The following TMPRSS11F variants were observed in gnomAD, a reference collection of about 807,000 sequenced individuals.
The protein encoded by TMPRSS11F is transmembrane serine protease 11F, also known as transmembrane protease serine 11F.
TMPRSS11F carries 47 observed loss-of-function variants against 60.2 expected under a neutral mutation model. The ratio of observed to expected loss-of-function variants is 0.78; its 90% CI spans 0.62 to 1.00. The LOEUF is 1.00. Among genes scored for constraint, TMPRSS11F ranks in the 50% least tolerant of loss-of-function variants. The pLI is 0.00. For missense variants in TMPRSS11F, 519 were observed against 522.9 expected (o/e 0.99, Z 0.07); for synonymous variants, 166 against 167.3 (o/e 0.99, Z 0.06).
At chr4:68,054,113 G>A (rs774506485) in intron 9 of TMPRSS11F, 46 bp from the exon 10 acceptor site, 36 of 1,562,082 alleles carry the variant, frequency 2.3e-5, no homozygotes, top group Non-Finnish European at 3.1e-5. Context: ...CTTTAATTCA[G>A]TGGGAAGGTA....
chr4:68,060,840 T>C (rs1723156484), intron 8 of TMPRSS11F, among the ~76,000 whole-genome samples: 1 of 151,906 alleles, frequency 6.6e-6, no homozygotes, highest in Admixed American at 6.5e-5. Flanking sequence ...TTGGATTTCT[T>C]TTAAGGCCTT....
intron 3 of TMPRSS11F, among the ~76,000 whole-genome samples, chr4:68,075,866 G>A (rs142570683): frequency 5.9e-5 from 9 of 151,964 alleles, no homozygotes; most frequent in East Asian, 1.9e-4. Flanking sequence ...GGTGGTAGGC[G>A]CCTGTAGTCC....
chr4:68,072,251 TGCTTACAAAAATTAAAGAGG>T (rs1723492634), intron 5 of TMPRSS11F, 52 bp downstream of exon 5: 1 of 119,400 alleles, frequency 8.4e-6, no homozygotes, highest in East Asian at 1.8e-4. Flanking sequence ...ATATATATAT[TGCTTACAAAAATTAAAGAGG>T]GTTGTAAGAG....
chr4:68,103,826 C>A (rs924295457), intron 1 of TMPRSS11F, among the ~76,000 whole-genome samples: 5 of 151,972 alleles, frequency 3.3e-5, no homozygotes, highest in African/African-American at 1.2e-4. Flanking sequence ...GTCTTTATTT[C>A]TTTCGTATTT....
intron 7 of TMPRSS11F, among the ~76,000 whole-genome samples, chr4:68,067,375 T>C (rs1723352095): frequency 1.3e-5 from 2 of 152,228 alleles, no homozygotes; most frequent in African/African-American, 2.4e-5. Context: ...GCAATTCCCA[T>C]GTAGGTCTGT....
chr4:68,104,697 A>T (rs1018850105), intron 1 of TMPRSS11F, among the ~76,000 whole-genome samples: 3 of 152,212 alleles, frequency 2.0e-5, no homozygotes, highest in Admixed American at 2.0e-4. Context: ...CTTCTATTCC[A>T]AAACTGTTGA....
At chr4:68,073,893 A>G in intron 4 of TMPRSS11F, 49 bp downstream of exon 4, 2 of 1,185,820 alleles carry the variant, frequency 1.7e-6, no homozygotes, top group Non-Finnish European at 2.4e-6. Context: ...TTCATCAAAT[A>G]CCTCATCTTA....
At chr4:68,120,491 C>T (rs1724604118) in intron 1 of TMPRSS11F, among the ~76,000 whole-genome samples, 1 of 149,888 alleles carries the variant, frequency 6.7e-6, no homozygotes, top group Non-Finnish European at 1.5e-5. Context: ...CGGGTTCACG[C>T]CATTCTCCTG....
rs748992356 is a variant in TMPRSS11F, at chr4:68,053,870, GCT to G, written c.*37_*38del. 13 of 1,577,204 alleles carry G rather than the reference GCT, an allele frequency of 8.2e-6. No homozygotes were observed. In the African/African-American group the frequency reaches 1.6e-4, roughly 20 times the overall value. ...CAATACAAAATACGCAGGAGTATCA[GCT>G]CTGTGTGCCATGTGTATAACTCATG... is the stretch of plus-strand genomic sequence containing the variant. On this transcript the variant is annotated 3_prime_UTR_variant, in exon 10 of 10. Coordinates refer to ENST00000356291, the MANE Select transcript of TMPRSS11F (RefSeq NM_207407.2).
At chr4:68,092,482 T>C (rs1343073052) in intron 2 of TMPRSS11F, among the ~76,000 whole-genome samples, 1 of 152,136 alleles carries the variant, frequency 6.6e-6, no homozygotes, top group Non-Finnish European at 1.5e-5. Flanking sequence ...TCAAGAAATA[T>C]GAATCAGGGT....
At chr4:68,126,970 G>A (rs542995691) in intron 1 of TMPRSS11F, among the ~76,000 whole-genome samples, 28 of 152,224 alleles carry the variant, frequency 1.8e-4, no homozygotes, top group African/African-American at 6.5e-4. Context: ...TCTCTGCCAC[G>A]CCCTTCATTT....
intron 8 of TMPRSS11F, among the ~76,000 whole-genome samples, chr4:68,061,317 G>A (rs1723168984): frequency 6.6e-6 from 1 of 152,140 alleles, no homozygotes; most frequent in Non-Finnish European, 1.5e-5. Flanking sequence ...CAACTTTCAA[G>A]CCGTATGAGC....
At chr4:68,118,273 T>C (rs1724564281) in intron 1 of TMPRSS11F, among the ~76,000 whole-genome samples, 1 of 152,176 alleles carries the variant, frequency 6.6e-6, no homozygotes, top group South Asian at 2.1e-4. Context: ...AACACCCAAA[T>C]GAATACACAT....
chr4:68,084,258 C>T (rs1029677128), intron 3 of TMPRSS11F, among the ~76,000 whole-genome samples: 10 of 151,884 alleles, frequency 6.6e-5, no homozygotes, highest in Non-Finnish European at 1.2e-4. Flanking sequence ...GCATAGGATC[C>T]ACAAAAATCT....
chr4:68,108,020 C>T (rs1212492864), intron 1 of TMPRSS11F, among the ~76,000 whole-genome samples: 1 of 152,118 alleles, frequency 6.6e-6, no homozygotes, highest in African/African-American at 2.4e-5. Context: ...GTGGATAATA[C>T]ACTGGATGGA....
intron 1 of TMPRSS11F, among the ~76,000 whole-genome samples, chr4:68,116,125 G>A (rs1237014480): frequency 1.3e-5 from 2 of 151,272 alleles, no homozygotes; most frequent in African/African-American, 4.9e-5. Context: ...AGAAAATACA[G>A]AAGAAAATAT....
intron 3 of TMPRSS11F, among the ~76,000 whole-genome samples, chr4:68,086,256 A>C (rs1410243165): frequency 1.3e-5 from 2 of 152,194 alleles, no homozygotes; most frequent in African/African-American, 2.4e-5. Flanking sequence ...GAAATTAAGT[A>C]ACTTGCTCCT....
chr4:68,054,453 T>C (rs535398957), intron 9 of TMPRSS11F, among the ~76,000 whole-genome samples: 1 of 152,306 alleles, frequency 6.6e-6, no homozygotes, highest in Admixed American at 6.5e-5. Context: ...CTTGATTGTA[T>C]TTTATGGACC....
rs1295257048 is a variant in TMPRSS11F, at chr4:68,068,764, A to G, written c.609T>C (p.Thr203=). The change falls in exon 7 of 10, where the codon ACT becomes ACC. Residue 203 remains threonine, a synonymous_variant. Transcript: ENST00000356291. ...SNMPLPASSS[T]QRIVQGRETA... is the part of the protein sequence containing the mutation. ...TTTCCCTTCCTTGGACAATTCTTTGAGTAGAAGAGGATGCTGGTAATGGCA... is the reference window on the plus strand; with the variant it reads ...TTTCCCTTCCTTGGACAATTCTTTGGGTAGAAGAGGATGCTGGTAATGGCA... 9 of 1,614,186 alleles carry G rather than the reference A, an allele frequency of 5.6e-6. No individual in the cohort carries two copies. The highest frequency in any genetic ancestry group is 7.6e-6 in the Non-Finnish European group (9 of 1,180,034).
Sources: allele counts gnomAD v4.1 joint callset (sites outside exome capture counted in the v4.1 genomes callset), GRCh38; gene constraint gnomAD v4.1.1; transcripts MANE v1.5; gene names NCBI Gene and HGNC (gene_info 2026-07-23, HGNC 2026-07-21).